DPP10: variants seen among roughly 807,000 people sequenced by gnomAD.
DPP10 encodes the protein inactive dipeptidyl peptidase 10.
Under a neutral mutation model 120.9 loss-of-function variants are expected in DPP10, and 33 were observed. That is an observed-to-expected ratio of 0.27 (90% CI 0.21 to 0.37). DPP10 has a LOEUF of 0.37. Ranked by LOEUF, DPP10 falls within the 10% of genes least tolerant of loss-of-function variation. DPP10 has a pLI of 1.00. For synonymous variants in DPP10, 337 were observed against 326.1 expected, an observed-to-expected ratio of 1.03 and a Z score of -0.36; for missense variants, 816 against 942.8, an observed-to-expected ratio of 0.87 and a Z score of 1.76.
intron 7 of DPP10, among the ~76,000 whole-genome samples, chr2:115,721,444 A>G (rs2092646619): frequency 6.6e-6 from 1 of 152,212 alleles, no homozygotes; most frequent in Admixed American, 6.5e-5. Flanking sequence ...TATCACAAAA[A>G]TTAATGTTGG....
At chr2:115,197,352 A>G (rs1211346288) in intron 1 of DPP10, among the ~76,000 whole-genome samples, 1 of 151,446 alleles carries the variant, frequency 6.6e-6, no homozygotes, top group Non-Finnish European at 1.5e-5. Context: ...AGATCATGCC[A>G]CTGCACTCCA....
intron 1 of DPP10, among the ~76,000 whole-genome samples, chr2:115,224,482 C>A (rs2105440787): frequency 6.6e-6 from 1 of 152,060 alleles, no homozygotes; most frequent in Non-Finnish European, 1.5e-5. Context: ...ATATTATTCA[C>A]AGAAGCAGTG....
intron 5 of DPP10, among the ~76,000 whole-genome samples, chr2:115,640,912 GT>G (rs950074269): frequency 1.3e-5 from 2 of 151,876 alleles, no homozygotes; most frequent in Admixed American, 6.6e-5. Context: ...TGTTTATTTT[GT>G]TTTTTTCTGT....
intron 1 of DPP10, among the ~76,000 whole-genome samples, chr2:114,905,027 T>C (rs1693856346): frequency 6.6e-6 from 1 of 152,198 alleles, no homozygotes. Context: ...TTTATTTCAG[T>C]CTTTTCACAT....
At chr2:115,237,482 G>A (rs1344540281) in intron 1 of DPP10, among the ~76,000 whole-genome samples, 1 of 151,982 alleles carries the variant, frequency 6.6e-6, no homozygotes, top group Non-Finnish European at 1.5e-5. Flanking sequence ...TAATCCTATA[G>A]TCACCTCTAA....
intron 1 of DPP10, among the ~76,000 whole-genome samples, chr2:114,867,063 A>G (rs60603710): frequency 1.3e-5 from 2 of 152,336 alleles, no homozygotes; most frequent in East Asian, 1.9e-4. Flanking sequence ...GGTGCAGAAC[A>G]TGAAATACAG....
intron 1 of DPP10, among the ~76,000 whole-genome samples, chr2:114,518,168 C>G (rs768563557): frequency 4.7e-5 from 7 of 150,494 alleles, no homozygotes; most frequent in Admixed American, 2.7e-4. Flanking sequence ...ACCTCTGCCT[C>G]CCAGGTTCAG....
chr2:115,161,719 C>A lies in DPP10; in HGVS notation c.61-147520C>A, dbSNP rs2052378415. The A allele has an allele frequency of 7.6e-6, 3 of 394,854 alleles. 1 individual carries two copies. The highest frequency in any genetic ancestry group is 1.4e-4 in the South Asian group (2 of 14,160). 24.5% of individuals were successfully genotyped at this position (394,854 alleles called of 1,614,324 possible). A position where few individuals can be genotyped will look rare whatever the true frequency, so the allele number is the denominator to read the frequency against. On this transcript the variant is annotated intron_variant, in intron 1 of 25. Transcript: ENST00000410059. Reference sequence around the variant, plus strand: ...CCGCGGCTCGCTGCGCTTTGGGTGGCGGGGGGCGGGGAGAGCGGGGAGTCA... The same window carrying A: ...CCGCGGCTCGCTGCGCTTTGGGTGGAGGGGGGCGGGGAGAGCGGGGAGTCA...
intron 7 of DPP10, among the ~76,000 whole-genome samples, chr2:115,702,348 G>C (rs749903065): frequency 1.3e-5 from 2 of 151,932 alleles, no homozygotes; most frequent in Non-Finnish European, 2.9e-5. Flanking sequence ...TCCATTCCTA[G>C]GTATATGCCT....
At chr2:114,767,292 AT>A (rs1215747261) in intron 1 of DPP10, among the ~76,000 whole-genome samples, 1 of 145,990 alleles carries the variant, frequency 6.8e-6, no homozygotes, top group African/African-American at 2.5e-5. Flanking sequence ...AAGATATATA[AT>A]ATATATATAT....
At chr2:114,958,873 T>A (rs2104700047) in intron 1 of DPP10, among the ~76,000 whole-genome samples, 1 of 152,266 alleles carries the variant, frequency 6.6e-6, no homozygotes, top group Non-Finnish European at 1.5e-5. Context: ...CAAGGTAGGC[T>A]TTTTACATTT....
Position 115,179,137 on chromosome 2 carries a change from G to A in DPP10, c.61-130102G>A, listed in dbSNP as rs201384633. Among the ~76,000 whole-genome samples the A allele has an allele frequency of 1.6e-4, 24 of 152,132 alleles. 1 individual carries two copies. The East Asian group carries it at 2.9e-3, about 18-fold the overall frequency. On this transcript the variant is annotated intron_variant, in intron 1 of 25. Coordinates refer to ENST00000410059, the MANE Select transcript of DPP10 (RefSeq NM_020868.6). ...TGAATGAGCCTTTCCTAGTAGATGGGTAAAAGAAAAGGGCTATTATTGAAA... is the reference window on the plus strand; with the variant it reads ...TGAATGAGCCTTTCCTAGTAGATGGATAAAAGAAAAGGGCTATTATTGAAA...
intron 1 of DPP10, among the ~76,000 whole-genome samples, chr2:115,043,836 G>A (rs986393750): frequency 6.6e-6 from 1 of 152,094 alleles, no homozygotes; most frequent in Admixed American, 6.6e-5. Context: ...CTGTCTTGCG[G>A]TCAGTTATAT....
At chr2:114,713,314 G>T (rs1701146404) in intron 1 of DPP10, among the ~76,000 whole-genome samples, 1 of 152,104 alleles carries the variant, frequency 6.6e-6, no homozygotes, top group African/African-American at 2.4e-5. Context: ...TTCTGACGCA[G>T]TCTTTCAGTC....
intron 3 of DPP10, among the ~76,000 whole-genome samples, chr2:115,423,011 A>G (rs2070121743): frequency 6.6e-6 from 1 of 152,274 alleles, no homozygotes; most frequent in African/African-American, 2.4e-5. Context: ...ACTGTGAACC[A>G]CAAATGTGAA....
intron 1 of DPP10, among the ~76,000 whole-genome samples, chr2:114,703,009 A>G (rs1700476139): frequency 6.6e-6 from 1 of 152,088 alleles, no homozygotes; most frequent in Non-Finnish European, 1.5e-5. Flanking sequence ...CAGGGTGGGA[A>G]GAAGGGGAGG....
intron 1 of DPP10, among the ~76,000 whole-genome samples, chr2:114,570,204 A>G (rs534187843): frequency 2.4e-4 from 37 of 152,312 alleles, no homozygotes; most frequent in African/African-American, 8.7e-4. Context: ...TTCCTGAGAG[A>G]CCAGGTTTGT....
Position 115,681,165 on chromosome 2 carries a change from G to A in DPP10, c.442-8522G>A, listed in dbSNP as rs139616081. Among the ~76,000 whole-genome samples, 854 of 133,382 alleles carry A rather than the reference G, an allele frequency of 6.4e-3. 6 individuals carry two copies. Among genetic ancestry groups the A allele is most frequent in the Non-Finnish European group, 9.7e-3 (574 of 59,478 alleles). 87.5% of individuals were successfully genotyped at this position (133,382 alleles called of 152,430 possible). ...AATGACTGGTAATAGGAATCAAAAT[G>A]TAAAATGTGCATATCTTCTGATCTA... On this transcript the variant is annotated intron_variant, in intron 5 of 25. Transcript: ENST00000410059.
chr2:115,829,289 G>A (rs1688684912), intron 21 of DPP10, among the ~76,000 whole-genome samples: 1 of 152,128 alleles, frequency 6.6e-6, no homozygotes, highest in Non-Finnish European at 1.5e-5. Context: ...TCCGTTGGTT[G>A]ACTAAATCAA....
Sources: gnomAD v4.1 joint callset for allele counts (sites outside exome capture counted in the v4.1 genomes callset) on GRCh38, gnomAD v4.1.1 for gene constraint, MANE v1.5 for transcripts, NCBI Gene and HGNC (gene_info 2026-07-23, HGNC 2026-07-21) for gene names.